SGCD: variants seen among roughly 807,000 people sequenced by gnomAD.
The protein encoded by SGCD is delta-sarcoglycan.
In SGCD, 18 loss-of-function variants were observed where a neutral mutation model predicts 36.6. The ratio of observed to expected loss-of-function variants is 0.49; its 90% CI spans 0.34 to 0.73. The LOEUF (loss-of-function observed/expected upper bound fraction) is 0.73, where lower values mean the gene tolerates loss of function less well. SGCD is among the 30% of genes least tolerant of loss of function. The pLI, the probability that SGCD is intolerant of heterozygous loss-of-function variation, is 0.01. For missense variants in SGCD, 387 were observed against 346.7 expected (o/e 1.12, Z -0.92); for synonymous variants, 133 against 130.6 (o/e 1.02, Z -0.12).
chr5:156,384,609 T>G (rs1194270828), intron 3 of SGCD, among the ~76,000 whole-genome samples: 1 of 152,182 alleles, frequency 6.6e-6, no homozygotes, highest in Non-Finnish European at 1.5e-5. Flanking sequence ...AAGAGAGAAT[T>G]AACTCTTGAG....
At chr5:156,145,086 C>T (rs2127612262) in intron 3 of SGCD, among the ~76,000 whole-genome samples, 1 of 152,184 alleles carries the variant, frequency 6.6e-6, no homozygotes, top group South Asian at 2.1e-4. Flanking sequence ...ATTATAATCC[C>T]CAGTGTTGGA....
At chr5:156,619,145 C>T (rs1437222442) in intron 6 of SGCD, among the ~76,000 whole-genome samples, 1 of 152,056 alleles carries the variant, frequency 6.6e-6, no homozygotes. Flanking sequence ...CCTGCCTCAG[C>T]CTCCAGAGTA....
intron 2 of SGCD, 54 bp downstream of exon 2, chr5:156,329,633 A>G: frequency 6.5e-7 from 1 of 1,538,310 alleles, no homozygotes; most frequent in Non-Finnish European, 8.9e-7. Context: ...TGGTCATTTT[A>G]TTATTAACAT....
At chr5:156,247,457 A>G (rs1765466256) in intron 3 of SGCD, among the ~76,000 whole-genome samples, 1 of 152,226 alleles carries the variant, frequency 6.6e-6, no homozygotes, top group African/African-American at 2.4e-5. Context: ...TAGTAGAACA[A>G]GAAGAATGTA....
chr5:156,188,671 C>CA (rs915118703), intron 3 of SGCD, among the ~76,000 whole-genome samples: 7 of 133,984 alleles, frequency 5.2e-5, no homozygotes, highest in Non-Finnish European at 1.1e-4. Flanking sequence ...CCCAACCGCC[C>CA]CCCCCGACAC....
chr5:156,500,735 A>T (rs1419230960), intron 3 of SGCD, among the ~76,000 whole-genome samples: 1 of 152,204 alleles, frequency 6.6e-6, no homozygotes, highest in African/African-American at 2.4e-5. Context: ...GGTGTTTTTC[A>T]TCAGTCTTTA....
At chr5:155,911,639 T>G (rs1424021291) in intron 1 of SGCD, among the ~76,000 whole-genome samples, 2 of 152,078 alleles carry the variant, frequency 1.3e-5, no homozygotes, top group African/African-American at 2.4e-5. Context: ...GGCTCTGATA[T>G]CCTCTTCTTT....
intron 3 of SGCD, among the ~76,000 whole-genome samples, chr5:156,496,210 A>G (rs867216890): frequency 6.6e-6 from 1 of 152,122 alleles, no homozygotes; most frequent in African/African-American, 2.4e-5. Context: ...TATGGGTGAG[A>G]TGAAACAGAT....
At chr5:156,360,857 C>A (rs1433029101) in intron 3 of SGCD, among the ~76,000 whole-genome samples, 2 of 152,060 alleles carry the variant, frequency 1.3e-5, no homozygotes, top group South Asian at 4.1e-4. Flanking sequence ...GTCTGCATGA[C>A]CTCATTCTAC....
intron 3 of SGCD, among the ~76,000 whole-genome samples, chr5:156,232,364 T>A (rs887010837): frequency 6.6e-6 from 1 of 152,220 alleles, no homozygotes; most frequent in African/African-American, 2.4e-5. Flanking sequence ...CCTCAGGTAG[T>A]TCTAACTATT....
chr5:156,751,953 C>G (rs1329252539), intron 7 of SGCD, among the ~76,000 whole-genome samples: 2 of 152,302 alleles, frequency 1.3e-5, no homozygotes, highest in Admixed American at 6.5e-5. Context: ...CTTTTGCATT[C>G]AGGCATCAGG....
chr5:156,713,419 C>CTG, intron 7 of SGCD, among the ~76,000 whole-genome samples: 1 of 147,854 alleles, frequency 6.8e-6, no homozygotes, highest in South Asian at 2.2e-4. Flanking sequence ...TCGGGGGGGG[C>CTG]GTTATAGGAG....
chr5:156,344,888 T>G (rs529545290), intron 3 of SGCD, among the ~76,000 whole-genome samples: 1 of 152,326 alleles, frequency 6.6e-6, no homozygotes, highest in African/African-American at 2.4e-5. Flanking sequence ...TACTCCAACT[T>G]AAAGATATTT....
intron 3 of SGCD, among the ~76,000 whole-genome samples, chr5:156,463,057 G>T (rs1160472322): frequency 6.6e-6 from 1 of 152,194 alleles, no homozygotes; most frequent in Non-Finnish European, 1.5e-5. Flanking sequence ...AATTTGGAAA[G>T]ATTGTAATGA....
intron 6 of SGCD, among the ~76,000 whole-genome samples, chr5:156,608,849 C>G (rs374623701): frequency 1.3e-5 from 2 of 149,482 alleles, no homozygotes; most frequent in Non-Finnish European, 3.0e-5. Context: ...CTGTTTTATC[C>G]GAGACTAGGA....
chr5:156,356,984 G>A (rs555852292), intron 3 of SGCD, among the ~76,000 whole-genome samples: 1 of 152,320 alleles, frequency 6.6e-6, no homozygotes, highest in African/African-American at 2.4e-5. Flanking sequence ...AGAGGGCTTG[G>A]AATTCTGGCT....
chr5:156,455,934 C>T (rs997060516), intron 3 of SGCD, among the ~76,000 whole-genome samples: 7 of 152,026 alleles, frequency 4.6e-5, no homozygotes, highest in Non-Finnish European at 5.9e-5. Flanking sequence ...AGCTATAGGC[C>T]GGGAATGCCA....
At chr5:156,578,085 C>T (rs532018448) in intron 4 of SGCD, among the ~76,000 whole-genome samples, 9 of 152,214 alleles carry the variant, frequency 5.9e-5, no homozygotes, top group African/African-American at 1.9e-4. Flanking sequence ...TGAGATATGT[C>T]CCATCAATAC....
At chr5:156,188,402 C>T (rs984157890) in intron 3 of SGCD, among the ~76,000 whole-genome samples, 5 of 152,090 alleles carry the variant, frequency 3.3e-5, no homozygotes, top group African/African-American at 1.2e-4. Flanking sequence ...AAGGTAGTGG[C>T]TAATACTCGA....
Sources: gnomAD v4.1 joint callset for allele counts (sites outside exome capture counted in the v4.1 genomes callset) on GRCh38, gnomAD v4.1.1 for gene constraint, MANE v1.5 for transcripts, NCBI Gene and HGNC (gene_info 2026-07-23, HGNC 2026-07-21) for gene names.